CPNE5: variants seen among roughly 807,000 people sequenced by gnomAD.
CPNE5 encodes the protein copine 5.
Under a neutral mutation model 81.1 loss-of-function variants are expected in CPNE5, and 42 were observed. That is an observed-to-expected ratio of 0.52 (90% confidence interval 0.40 to 0.67). The LOEUF (loss-of-function observed/expected upper bound fraction) is 0.67. Ranked by LOEUF, CPNE5 falls within the 30% of genes least tolerant of loss-of-function variation. CPNE5 has a pLI of 0.00. For missense variants in CPNE5, 612 were observed against 815.5 expected (o/e 0.75, Z 3.04); for synonymous variants, 313 against 321.5 (o/e 0.97, Z 0.28).
At chr6:36,791,968 G>A (rs1561790648) in intron 8 of CPNE5, 65 bp downstream of exon 8, 1 of 1,430,538 alleles carries the variant, frequency 7.0e-7, no homozygotes, top group Non-Finnish European at 9.9e-7. Flanking sequence ...GGCTCAGGGA[G>A]GCCAGCCTGC....
At chr6:36,776,412 C>G (rs1220151113) in intron 9 of CPNE5, among the ~76,000 whole-genome samples, 1 of 152,192 alleles carries the variant, frequency 6.6e-6, no homozygotes, top group African/African-American at 2.4e-5. Flanking sequence ...GGGAGACCTC[C>G]CCACACACCT....
chr6:36,772,524 GCTGCCTGTGGTCAGAC>G (rs1388639155), intron 10 of CPNE5, among the ~76,000 whole-genome samples: 1 of 152,188 alleles, frequency 6.6e-6, no homozygotes, highest in African/African-American at 2.4e-5. Context: ...GCACATCTGT[GCTGCCTGTGGTCAGAC>G]CACAGTCTCC....
intron 8 of CPNE5, among the ~76,000 whole-genome samples, chr6:36,787,697 A>T (rs909812060): frequency 6.6e-6 from 1 of 152,186 alleles, no homozygotes; most frequent in Non-Finnish European, 1.5e-5. Context: ...GAAAGAATAC[A>T]TGAGCACGCT....
At chr6:36,771,698 C>T (rs1322920977) in intron 10 of CPNE5, among the ~76,000 whole-genome samples, 3 of 152,056 alleles carry the variant, frequency 2.0e-5, no homozygotes, top group African/African-American at 7.3e-5. Flanking sequence ...TGTGAGGCTC[C>T]AAGAGGTGTC....
At chr6:36,747,860 C>G (rs562344944) in intron 15 of CPNE5, among the ~76,000 whole-genome samples, 55 of 152,336 alleles carry the variant, frequency 3.6e-4, no homozygotes, top group Non-Finnish European at 2.9e-5. Context: ...AGCCTTGGCT[C>G]TGATTCTCCA....
At chr6:36,763,084 C>A (rs1361859224) in intron 11 of CPNE5, 92 bp from the exon 12 acceptor site, 3 of 1,142,314 alleles carry the variant, frequency 2.6e-6, no homozygotes, top group Non-Finnish European at 4.0e-6. Context: ...CTTTGGCTCC[C>A]AATTCTACCT....
At chr6:36,760,196 G>A (rs1765885598) in intron 12 of CPNE5, among the ~76,000 whole-genome samples, 1 of 147,406 alleles carries the variant, frequency 6.8e-6, no homozygotes, top group Non-Finnish European at 1.5e-5. Context: ...CTCCAGCCTG[G>A]GTGAGAATGA....
chr6:36,747,965 T>C (rs1465254046), intron 15 of CPNE5, among the ~76,000 whole-genome samples: 1 of 152,112 alleles, frequency 6.6e-6, no homozygotes, highest in African/African-American at 2.4e-5. Context: ...GTACACACAA[T>C]CCCATTCCCC....
chr6:36,748,291 G>A, intron 14 of CPNE5, 24 bp from the exon 15 acceptor site: 1 of 1,612,042 alleles, frequency 6.2e-7, no homozygotes, highest in Non-Finnish European at 8.5e-7. Flanking sequence ...AACAGCAGGG[G>A]AGTCACCTGG....
chr6:36,802,160 A>C (rs1381650568), intron 3 of CPNE5, among the ~76,000 whole-genome samples: 1 of 128,808 alleles, frequency 7.8e-6, no homozygotes, highest in East Asian at 2.7e-4. Context: ...CGGAGGTTGC[A>C]GTGAGCCAGG....
intron 13 of CPNE5, chr6:36,755,264 C>G (rs1329947504): frequency 6.6e-6 from 1 of 152,188 alleles, no homozygotes; most frequent in Non-Finnish European, 1.5e-5. Context: ...GCTGCACTAG[C>G]CATGGGCCTC....
chr6:36,828,032 G>A (rs1395003283), intron 1 of CPNE5, among the ~76,000 whole-genome samples: 1 of 152,044 alleles, frequency 6.6e-6, no homozygotes, highest in African/African-American at 2.4e-5. Flanking sequence ...CAGTGGCAGT[G>A]AGAAAATGGT....
chr6:36,744,855 G>A (rs1234423789), intron 18 of CPNE5, among the ~76,000 whole-genome samples, 193 bp downstream of exon 18: 1 of 152,176 alleles, frequency 6.6e-6, no homozygotes, highest in African/African-American at 2.4e-5. Context: ...ATCCAGCACC[G>A]GACTCTGCAG....
intron 1 of CPNE5, among the ~76,000 whole-genome samples, chr6:36,828,638 A>C (rs943574881): frequency 6.6e-6 from 1 of 152,218 alleles, no homozygotes; most frequent in Non-Finnish European, 1.5e-5. Flanking sequence ...AAAGTATGGC[A>C]TATTGGTATA....
In CPNE5 at chr6:36,762,987, T is replaced by C. The variant is rs1263132813; in HGVS notation, c.785A>G (p.Asp262Gly). The C allele has an allele frequency of 6.2e-7, 1 of 1,614,006 alleles. No individual in the cohort carries two copies. The highest frequency in any genetic ancestry group is 1.1e-5 in the South Asian group (1 of 91,070). Residue 262 changes from aspartate to glycine, a missense_variant, in exon 12 of 21, where the codon GAC (aspartate) becomes GGC (glycine). Transcript: ENST00000244751. Reference protein sequence around the residue: ...VYDWDRDGSHDFIGEFTTSYR... With the variant: ...VYDWDRDGSHGFIGEFTTSYR... The stretch of plus-strand genomic sequence containing the variant: ...ACTGGTGGTGAACTCCCCAATGAAG[T>C]CATGGCTGCAAGGGAAGACGGCTGC...
Position 36,756,435 on chromosome 6 carries a change from G to T in CPNE5, c.856-137C>A, listed in dbSNP as rs560872035. 1.0e-3 allele frequency: 680 copies of T among 679,694 alleles called. 2 individuals carry two copies. In the African/African-American group the frequency reaches 0.01, roughly 10 times the overall value. The allele number at this position is 679,694 out of a possible 1,614,324, so 42.1% of individuals were successfully genotyped here. On this transcript the variant is annotated intron_variant, in intron 12 of 20. Coordinates refer to ENST00000244751, the MANE Select transcript of CPNE5 (RefSeq NM_020939.2). The stretch of plus-strand genomic sequence containing the variant: ...GGGGTGTGAAGACCACGGGGCCAGG[G>T]GAGAAGGGTTTAAGGAGGATTTGTG...
chr6:36,813,820 T>C (rs191652503), intron 3 of CPNE5, among the ~76,000 whole-genome samples: 1 of 152,212 alleles, frequency 6.6e-6, no homozygotes, highest in African/African-American at 2.4e-5. Flanking sequence ...TCAGCTCCAG[T>C]GCCACCAAGT....
rs1763551837 is a variant in CPNE5 at position 36,740,901 on chromosome 6, G to A, written c.*1367C>T. 6.5e-6 allele frequency: 1 copy of A among 152,722 alleles called. No homozygotes were observed. Among genetic ancestry groups the A allele is most frequent in the Non-Finnish European group, 1.5e-5 (1 of 68,194 alleles). The allele number at this position is 152,722 out of a possible 1,614,324, so 9.5% of individuals were successfully genotyped here. On this transcript the variant is annotated 3_prime_UTR_variant, in exon 21 of 21. Coordinates refer to ENST00000244751, the MANE Select transcript of CPNE5 (RefSeq NM_020939.2). ...ATGCATGACGGGGAAGCAGAGGCAGGCGGAAGACGGGGGCCTGGCCTGCAC... is the reference window on the plus strand; with the variant it reads ...ATGCATGACGGGGAAGCAGAGGCAGACGGAAGACGGGGGCCTGGCCTGCAC...
chr6:36,805,835 G>T (rs1434515740), intron 3 of CPNE5, among the ~76,000 whole-genome samples: 2 of 152,192 alleles, frequency 1.3e-5, no homozygotes, highest in African/African-American at 4.8e-5. Context: ...TGACTAAGCT[G>T]CATGAATATC....
Sources: gnomAD v4.1 joint callset for allele counts (sites outside exome capture counted in the v4.1 genomes callset) on GRCh38, gnomAD v4.1.1 for gene constraint, MANE v1.5 for transcripts, NCBI Gene and HGNC (gene_info 2026-07-23, HGNC 2026-07-21) for gene names.